IFFO2: variants seen among roughly 807,000 people sequenced by gnomAD.
IFFO2 encodes the protein intermediate filament family orphan 2.
A neutral mutation model predicts 53.5 loss-of-function variants in IFFO2; 19 were observed. The ratio of observed to expected loss-of-function variants is 0.36; its 90% CI spans 0.25 to 0.52. The LOEUF (loss-of-function observed/expected upper bound fraction) is 0.52, where lower values mean the gene tolerates loss of function less well. Ranked by LOEUF, IFFO2 falls within the 20% of genes least tolerant of loss-of-function variation. The pLI is 0.94. For synonymous variants in IFFO2, 303 were observed against 313.6 expected (o/e 0.97, Z 0.36); for missense variants, 570 against 727.4 (o/e 0.78, Z 2.49).
Position 18,908,499 on chromosome 1 carries a change from C to T in IFFO2, c.*62G>A, listed in dbSNP as rs1201401734. 2.4e-6 allele frequency: 3 copies of T among 1,250,524 alleles called. No individual in the cohort carries two copies. Among genetic ancestry groups the T allele is most frequent in the East Asian group, 2.5e-5 (1 of 39,220 alleles). 77.5% of individuals were successfully genotyped at this position (1,250,524 alleles called of 1,614,324 possible). A position where few individuals can be genotyped will look rare whatever the true frequency, so the allele number is the denominator to read the frequency against. On this transcript the variant is annotated 3_prime_UTR_variant, in exon 9 of 9. Transcript: ENST00000455833. ...CCCCACTCCGAGGGGCCTTCCTGGC[C>T]CCATGAGGAGAGGTGGCAGGGCCCC...
chr1:18,945,746 C>G (rs529901548), intron 1 of IFFO2, among the ~76,000 whole-genome samples: 1 of 152,254 alleles, frequency 6.6e-6, no homozygotes, highest in Non-Finnish European at 1.5e-5. Flanking sequence ...AAACGCCATT[C>G]GATTCCTGCC....
chr1:18,955,630 C>T, intron 1 of IFFO2, 38 bp downstream of exon 1: 1 of 1,528,952 alleles, frequency 6.5e-7, no homozygotes. Context: ...GACCTGGGCG[C>T]CCCGTCCCAG....
At chr1:18,921,777 T>C (rs1001400524) in intron 1 of IFFO2, among the ~76,000 whole-genome samples, 3 of 152,180 alleles carry the variant, frequency 2.0e-5, no homozygotes, top group East Asian at 1.9e-4. Context: ...GCGTTTACTA[T>C]GTGCCAAGCC....
rs1936600322 is a variant in IFFO2 at position 18,947,107 on chromosome 1, T to C, written c.665+8561A>G. 6.6e-6 allele frequency among the ~76,000 whole-genome samples: 1 copy of C among 152,052 alleles called. No individual in the cohort carries two copies. Among genetic ancestry groups the C allele is most frequent in the Admixed American group, 6.5e-5 (1 of 15,270 alleles). ...GCCACTGTTCTGAAACCACCACCAC[T>C]TTGGCTTCTCAGACATCCACACCCA... On this transcript the variant is annotated intron_variant, in intron 1 of 8. Transcript: ENST00000455833. This position sits in a 1 kb window ranked among gnomAD's most constrained non-coding sequence, Gnocchi z 5.0.
In IFFO2 at chr1:18,928,984, A is replaced by C. The variant is rs1400756092; in HGVS notation, c.666-7863T>G. Among the ~76,000 whole-genome samples, 3 of 152,206 alleles carry C rather than the reference A, an allele frequency of 2.0e-5. No individual in the cohort carries two copies. In the East Asian group the frequency reaches 5.8e-4, roughly 29 times the overall value. On this transcript the variant is annotated intron_variant, in intron 1 of 8. Coordinates refer to ENST00000455833, the MANE Select transcript of IFFO2 (RefSeq NM_001136265.2). The surrounding 1 kb of genome is among the most constrained non-coding windows in gnomAD (Gnocchi z 4.9). ...CACCCGCTGGGTGCCCTCTCCCAGA[A>C]GAAGCAGCAGCGTGGTGTGGGAGCA...
chr1:18,929,924 C>G (rs1387612047), intron 1 of IFFO2, among the ~76,000 whole-genome samples: 1 of 152,216 alleles, frequency 6.6e-6, no homozygotes, highest in African/African-American at 2.4e-5. Context: ...CTGCCATGAT[C>G]CCTGGACAAG....
In IFFO2 at chr1:18,917,940, A is replaced by G. The variant is rs938442083; in HGVS notation, c.963+422T>C. On this transcript the variant is annotated intron_variant, in intron 4 of 8. Transcript: ENST00000455833. This position sits in a 1 kb window ranked among gnomAD's most constrained non-coding sequence, Gnocchi z 5.9. ...AGGCCCCTCTACCAGAGCTCAGGCC[A>G]GCTCCCCCACTTCTCCCCATAACCT... Among the ~76,000 whole-genome samples, 1 of 152,162 alleles carries G rather than the reference A, an allele frequency of 6.6e-6. No homozygotes were observed. The highest frequency in any genetic ancestry group is 2.4e-5 in the African/African-American group (1 of 41,448).
chr1:18,941,350 G>T (rs1049160808), intron 1 of IFFO2, among the ~76,000 whole-genome samples: 1 of 152,246 alleles, frequency 6.6e-6, no homozygotes, highest in Admixed American at 6.5e-5. Context: ...CACCTTGGGG[G>T]GTGATGTGCT....
rs150662588 is a variant in IFFO2 at position 18,926,117 on chromosome 1, AGATGGATGGATG to A, written c.666-5008_666-4997del. 8.4e-5 allele frequency among the ~76,000 whole-genome samples: 3 copies of A among 35,534 alleles called. No individual in the cohort carries two copies. The Admixed American group carries it at 9.5e-4, about 11-fold the overall frequency. The allele number at this position is 35,534 out of a possible 152,430, so 23.3% of individuals were successfully genotyped here. On this transcript the variant is annotated intron_variant, in intron 1 of 8. Transcript: ENST00000455833. ...GGATGGATGGATTGGTTGGATGGATAGATGGATGGATGGATGGATGGATGGATGGATGGATCC... is the reference window on the plus strand; with the variant it reads ...GGATGGATGGATTGGTTGGATGGATAGATGGATGGATGGATGGATGGATCC...
In IFFO2 at chr1:18,909,905, A is replaced by G. The variant is rs79139408; in HGVS notation, c.1448+437T>C. 9.5e-3 allele frequency among the ~76,000 whole-genome samples: 1,445 copies of G among 152,212 alleles called. 25 individuals are homozygous for G. Among genetic ancestry groups the G allele is most frequent in the East Asian group, 0.063 (327 of 5,172 alleles). The stretch of plus-strand genomic sequence containing the variant: ...GAGCCACCACGCCCAGCCTCAGGCA[A>G]TTCTTTATAGCACCATGAGAACAGA... On this transcript the variant is annotated intron_variant, in intron 8 of 8. Transcript: ENST00000455833.
In IFFO2 at chr1:18,916,752, G is replaced by A. The variant is rs1936137574; in HGVS notation, c.1103+151C>T. ...CCGCACTCCAGCCTCCAGCCTGGGT[G>A]ACAAAGTGAGACCCTGTCTCAAAAA... On this transcript the variant is annotated intron_variant, in intron 5 of 8. Coordinates refer to ENST00000455833, the MANE Select transcript of IFFO2 (RefSeq NM_001136265.2). The surrounding 1 kb of genome is among the most constrained non-coding windows in gnomAD (Gnocchi z 4.3). 1.0e-6 allele frequency: 1 copy of A among 996,272 alleles called. No homozygotes were observed. The highest frequency in any genetic ancestry group is 1.6e-5 in the African/African-American group (1 of 60,698). 61.7% of individuals were successfully genotyped at this position (996,272 alleles called of 1,614,324 possible).
chr1:18,919,225 C>T lies in IFFO2; in HGVS notation c.822+453G>A, dbSNP rs1056597896. Among the ~76,000 whole-genome samples the T allele has an allele frequency of 6.6e-5, 10 of 152,206 alleles. No homozygotes were observed. The highest frequency in any genetic ancestry group is 1.9e-4 in the African/African-American group (8 of 41,460). ...GGCCCCAGATTGTCAAAAAGACACG[C>T]GCACTGGCCTTTCCTGACCTCATGG... is the stretch of plus-strand genomic sequence containing the variant. On this transcript the variant is annotated intron_variant, in intron 3 of 8. Coordinates refer to ENST00000455833, the MANE Select transcript of IFFO2 (RefSeq NM_001136265.2). This position sits in a 1 kb window ranked among gnomAD's most constrained non-coding sequence, Gnocchi z 4.9.
chr1:18,937,767 C>T (rs891729961), intron 1 of IFFO2, among the ~76,000 whole-genome samples: 1 of 152,236 alleles, frequency 6.6e-6, no homozygotes, highest in African/African-American at 2.4e-5. Flanking sequence ...GGCCCAGCCG[C>T]CACTGGAGGG....
intron 1 of IFFO2, among the ~76,000 whole-genome samples, chr1:18,931,818 C>A (rs912821514): frequency 6.6e-6 from 1 of 152,200 alleles, no homozygotes; most frequent in Non-Finnish European, 1.5e-5. Flanking sequence ...CTCGTCGGCT[C>A]CATAAGCCCC....
In IFFO2 at chr1:18,910,090, G is replaced by A. The variant is rs7544589; in HGVS notation, c.1448+252C>T. ...CCGTCTTGCACAGAGCAGGCCTTTGGCAAGTATCTATTGAATCAACAAAGG... is the reference window on the plus strand; with the variant it reads ...CCGTCTTGCACAGAGCAGGCCTTTGACAAGTATCTATTGAATCAACAAAGG... On this transcript the variant is annotated intron_variant, in intron 8 of 8. Coordinates refer to ENST00000455833, the MANE Select transcript of IFFO2 (RefSeq NM_001136265.2). Among the ~76,000 whole-genome samples the A allele has an allele frequency of 9.5e-3, 1,448 of 152,290 alleles. 26 individuals carry two copies. The highest frequency in any genetic ancestry group is 0.064 in the East Asian group (330 of 5,184).
In IFFO2 at chr1:18,906,777, C is replaced by G. The variant is rs1017785136; in HGVS notation, c.*1784G>C. 9 of 152,180 alleles carry G rather than the reference C, an allele frequency of 5.9e-5. No individual in the cohort carries two copies. Among genetic ancestry groups the G allele is most frequent in the African/African-American group, 2.2e-4 (9 of 41,438 alleles). 9.4% of individuals were successfully genotyped at this position (152,180 alleles called of 1,614,324 possible). ...AGAGATGCTGACTATGGAAGTGTCA[C>G]AGCCAGACTGCCACAGGGGACCCGT... On this transcript the variant is annotated 3_prime_UTR_variant, in exon 9 of 9. Transcript: ENST00000455833.
intron 1 of IFFO2, among the ~76,000 whole-genome samples, chr1:18,949,678 CG>C (rs1378216352): frequency 6.6e-6 from 1 of 152,232 alleles, no homozygotes; most frequent in Non-Finnish European, 1.5e-5. Context: ...GTTCAAATTC[CG>C]GGTCTACCCT....
At chr1:18,954,175 C>T (rs1244108032) in intron 1 of IFFO2, among the ~76,000 whole-genome samples, 7 of 152,200 alleles carry the variant, frequency 4.6e-5, no homozygotes, top group East Asian at 3.9e-4. Context: ...GGAAGCTAGG[C>T]GCCACATGAG....
chr1:18,905,284 A>C lies in IFFO2; in HGVS notation c.*3277T>G, dbSNP rs1015474211. ...CTGCTCATGGGTGTGGATGACCAAAAGTGAGGACAGAAGACGAGGCCGGGG... is the reference window on the plus strand; with the variant it reads ...CTGCTCATGGGTGTGGATGACCAAACGTGAGGACAGAAGACGAGGCCGGGG... On this transcript the variant is annotated 3_prime_UTR_variant, in exon 9 of 9. Transcript: ENST00000455833. The C allele has an allele frequency of 6.6e-6, 1 of 152,140 alleles. No homozygotes were observed. The highest frequency in any genetic ancestry group is 2.4e-5 in the African/African-American group (1 of 41,400). 9.4% of individuals were successfully genotyped at this position (152,140 alleles called of 1,614,324 possible).
Sources: gnomAD v4.1 joint callset for allele counts (sites outside exome capture counted in the v4.1 genomes callset) on GRCh38, gnomAD v4.1.1 for gene constraint, Gnocchi (gnomAD v3.1) non-coding constraint, MANE v1.5 for transcripts, NCBI Gene and HGNC (gene_info 2026-07-23, HGNC 2026-07-21) for gene names.